BABAM2: variants seen among roughly 807,000 people sequenced by gnomAD.
BABAM2 encodes the protein BRISC and BRCA1 A complex member 2, also known as BRISC and BRCA1-A complex member 2.
In BABAM2, 31 loss-of-function variants were observed where a neutral mutation model predicts 54.7. The observed-to-expected ratio is 0.57, with a 90% CI of 0.43 to 0.77. The LOEUF (loss-of-function observed/expected upper bound fraction) is 0.77. Among genes scored for constraint, BABAM2 ranks in the 30% least tolerant of loss-of-function variants. BABAM2 has a pLI of 0.00. For synonymous variants in BABAM2, 167 were observed against 162.9 expected (o/e 1.03, Z -0.19); for missense variants, 364 against 455.8 (o/e 0.80, Z 1.83).
At chr2:27,890,559 T>G, upstream of BABAM2, 7 of 537,048 alleles carry the variant, frequency 1.3e-5, no homozygotes, top group East Asian at 3.2e-5. This position sits in a 1 kb window ranked among gnomAD's most constrained non-coding sequence, Gnocchi z 4.8. Context: ...AACAGGGCCC[T>G]CCTGATATGG....
intron 2 of BABAM2, among the ~76,000 whole-genome samples, chr2:27,912,419 A>G (rs76431123): frequency 0.029 from 4,389 of 152,214 alleles, 101 homozygotes; most frequent in South Asian, 0.1. Flanking sequence ...TGCATCATAA[A>G]AGTATCTTTT....
At chr2:28,121,415 C>G (rs1669057782) in intron 6 of BABAM2, among the ~76,000 whole-genome samples, 1 of 152,174 alleles carries the variant, frequency 6.6e-6, no homozygotes, top group Non-Finnish European at 1.5e-5. Flanking sequence ...TGTCACTTTC[C>G]TTGTTCTTGA....
chr2:28,277,892 G>C (rs370588370), intron 10 of BABAM2, among the ~76,000 whole-genome samples: 1 of 152,210 alleles, frequency 6.6e-6, no homozygotes, highest in Admixed American at 6.5e-5. Flanking sequence ...CAAACACTGC[G>C]TGGAAAATGC....
chr2:28,287,402 A>C (rs767120778), intron 10 of BABAM2, among the ~76,000 whole-genome samples: 1 of 152,154 alleles, frequency 6.6e-6, no homozygotes, highest in Non-Finnish European at 1.5e-5. Context: ...CTCTTGCTCA[A>C]TTTCTTTCTG....
chr2:28,213,682 G>A (rs150497482), intron 7 of BABAM2, among the ~76,000 whole-genome samples: 149 of 152,128 alleles, frequency 9.8e-4, no homozygotes, highest in African/African-American at 3.4e-3. Flanking sequence ...TTAAAAAATA[G>A]TAATAGATAT....
intron 7 of BABAM2, among the ~76,000 whole-genome samples, chr2:28,189,600 A>G (rs1676685332): frequency 6.6e-6 from 1 of 152,210 alleles, no homozygotes; most frequent in African/African-American, 2.4e-5. Flanking sequence ...AAACCCATAT[A>G]CCAAAAAGTA....
Position 28,329,945 on chromosome 2 carries a change from C to A in BABAM2, c.1089-8505C>A, listed in dbSNP as rs1690804782. On this transcript the variant is annotated intron_variant, in intron 11 of 11. Transcript: ENST00000379624. The surrounding 1 kb of genome is among the most constrained non-coding windows in gnomAD (Gnocchi z 4.2). Reference sequence around the variant, plus strand: ...GTAAAAATCCTCAATAAAATACTGGCAGACTGAATCCAGCAGCACATCAAA... The same window carrying A: ...GTAAAAATCCTCAATAAAATACTGGAAGACTGAATCCAGCAGCACATCAAA... Among the ~76,000 whole-genome samples the A allele has an allele frequency of 6.6e-6, 1 of 152,154 alleles. No homozygotes were observed. The highest frequency in any genetic ancestry group is 1.5e-5 in the Non-Finnish European group (1 of 68,032).
intron 11 of BABAM2, among the ~76,000 whole-genome samples, chr2:28,330,012 G>A (rs763213943): frequency 6.6e-6 from 1 of 152,218 alleles, no homozygotes; most frequent in African/African-American, 2.4e-5. Flanking sequence ...TCCCCAGGAT[G>A]CAAGGCTGGT....
chr2:27,942,569 A>G (rs1490232729), intron 3 of BABAM2, among the ~76,000 whole-genome samples: 1 of 145,772 alleles, frequency 6.9e-6, no homozygotes, highest in Non-Finnish European at 1.5e-5. Context: ...GGTTTATGCC[A>G]CGTTACCCAG....
chr2:27,972,659 C>T (rs1671299736), intron 3 of BABAM2, among the ~76,000 whole-genome samples: 1 of 151,906 alleles, frequency 6.6e-6, no homozygotes. Context: ...TATAAAATAT[C>T]TCACTGATAA....
chr2:28,197,234 T>A (rs1314986259), intron 7 of BABAM2, among the ~76,000 whole-genome samples: 1 of 152,208 alleles, frequency 6.6e-6, no homozygotes, highest in East Asian at 1.9e-4. Context: ...GACTTTCTTT[T>A]GAGTCACATT....
At chr2:27,987,831 A>AG (rs1446563859) in intron 3 of BABAM2, among the ~76,000 whole-genome samples, 162 bp from the exon 4 acceptor site, 1 of 151,944 alleles carries the variant, frequency 6.6e-6, no homozygotes, top group Non-Finnish European at 1.5e-5. Context: ...AAAAAAAAAA[A>AG]AGATATCAGT....
At chr2:28,303,850 A>G (rs185581124) in intron 11 of BABAM2, among the ~76,000 whole-genome samples, 17 of 152,282 alleles carry the variant, frequency 1.1e-4, no homozygotes, top group African/African-American at 2.2e-4. Context: ...AAATATTTCA[A>G]TGTAGAAATC....
intron 3 of BABAM2, among the ~76,000 whole-genome samples, chr2:27,938,612 G>A (rs957193117): frequency 7.9e-5 from 12 of 151,760 alleles, no homozygotes; most frequent in Non-Finnish European, 1.8e-4. Flanking sequence ...GGCTGGTCTC[G>A]AACTCCTGAC....
At chr2:28,217,471 A>C (rs1015786370) in intron 7 of BABAM2, among the ~76,000 whole-genome samples, 2 of 152,218 alleles carry the variant, frequency 1.3e-5, no homozygotes, top group African/African-American at 4.8e-5. Context: ...TTTAATTTTC[A>C]CAGTAGCCCT....
chr2:28,068,428 CTG>C (rs1418728948), intron 6 of BABAM2, among the ~76,000 whole-genome samples: 1 of 152,170 alleles, frequency 6.6e-6, no homozygotes, highest in Non-Finnish European at 1.5e-5. Flanking sequence ...GTTTATAACT[CTG>C]TGGTAGATCT....
At chr2:28,022,270 C>CA (rs1280227597) in intron 4 of BABAM2, among the ~76,000 whole-genome samples, 1 of 152,172 alleles carries the variant, frequency 6.6e-6, no homozygotes, top group Non-Finnish European at 1.5e-5. Flanking sequence ...CTCATGACCA[C>CA]AAAGAGGCAA....
At chr2:28,000,259 G>A (rs1032705018) in intron 4 of BABAM2, among the ~76,000 whole-genome samples, 3 of 151,938 alleles carry the variant, frequency 2.0e-5, no homozygotes, top group Non-Finnish European at 4.4e-5. Context: ...TGTCTGTTTG[G>A]GTTCCTTTTG....
intron 5 of BABAM2, among the ~76,000 whole-genome samples, chr2:28,043,540 T>C (rs1335809885): frequency 1.3e-5 from 2 of 152,206 alleles, no homozygotes; most frequent in African/African-American, 4.8e-5. Flanking sequence ...CTGGGCTAGG[T>C]GTCCCTTTTA....
Sources: allele counts gnomAD v4.1 joint callset (sites outside exome capture counted in the v4.1 genomes callset), GRCh38; gene constraint gnomAD v4.1.1; non-coding constraint Gnocchi (gnomAD v3.1); transcripts MANE v1.5; gene names NCBI Gene and HGNC (gene_info 2026-07-23, HGNC 2026-07-21).